SHTN1: variants seen among roughly 807,000 people sequenced by gnomAD.
SHTN1 encodes the protein shootin 1.
In SHTN1, 42 loss-of-function variants were observed where a neutral mutation model predicts 83.1. That is an observed-to-expected ratio of 0.51 (90% CI 0.39 to 0.65). The LOEUF (loss-of-function observed/expected upper bound fraction) is 0.65. SHTN1 is among the 30% of genes least tolerant of loss of function. The pLI, the probability that SHTN1 is intolerant of heterozygous loss-of-function variation, is 0.00. For missense variants in SHTN1, 622 were observed against 737.8 expected, an observed-to-expected ratio of 0.84 and a Z score of 1.82; for synonymous variants, 224 against 247.7, an observed-to-expected ratio of 0.90 and a Z score of 0.90.
upstream of SHTN1, among the ~76,000 whole-genome samples, chr10:117,008,975 C>T (rs1564929590): frequency 6.6e-6 from 1 of 152,008 alleles, no homozygotes; most frequent in Admixed American, 6.6e-5. Context: ...ATAAGCTGGG[C>T]GTGGTGGCAC....
Position 117,072,482 on chromosome 10 carries a change from C to T in SHTN1, c.-188-23972G>A, listed in dbSNP as rs1177070347. Among the ~76,000 whole-genome samples the T allele has an allele frequency of 5.9e-5, 9 of 152,264 alleles. No individual in the cohort carries two copies. In the East Asian group the frequency reaches 1.7e-3, roughly 29 times the overall value. On this transcript the variant is annotated intron_variant, in intron 1 of 17. Transcript: ENST00000392901. ...CTCCTGCAGGACCCAGGAGACATCC[C>T]AAATACTGTGCTGGTATCCACAGCC... is the stretch of plus-strand genomic sequence containing the variant.
chr10:116,944,900 A>G (rs751272291), intron 8 of SHTN1, 24 bp downstream of exon 8: 15 of 1,499,326 alleles, frequency 1.0e-5, no homozygotes, highest in East Asian at 2.3e-5. Flanking sequence ...AAGAAAAAAA[A>G]TAAGATTTTT....
intron 6 of SHTN1, among the ~76,000 whole-genome samples, chr10:116,950,198 T>C (rs1849726400): frequency 6.6e-6 from 1 of 152,186 alleles, no homozygotes; most frequent in Non-Finnish European, 1.5e-5. Flanking sequence ...AGGGTCTCAG[T>C]CTGTCACTCA....
chr10:116,965,549 A>T (rs1850358997), intron 3 of SHTN1, among the ~76,000 whole-genome samples: 1 of 152,234 alleles, frequency 6.6e-6, no homozygotes, highest in Non-Finnish European at 1.5e-5. Flanking sequence ...GGTTAACGTT[A>T]CAGGGATTTC....
Position 116,960,166 on chromosome 10 carries a change from A to G in SHTN1, c.237T>C (p.Cys79=), listed in dbSNP as rs1589844933. ...MQNHLEIEKT[C]RESAEALATK... ...TTGCCAAAGCTTCAGCACTTTCTCG[A>G]CAAGTCTTCTCTATTTCAAGATGGT... is the stretch of plus-strand genomic sequence containing the variant. Residue 79 remains cysteine (C), a synonymous_variant, in exon 4 of 17, where the codon TGT becomes TGC. Coordinates refer to ENST00000355371, the MANE Select transcript of SHTN1 (RefSeq NM_001127211.3). The G allele has an allele frequency of 8.7e-6, 14 of 1,610,916 alleles. No homozygotes were observed. In the East Asian group the frequency reaches 3.1e-4, roughly 36 times the overall value.
chr10:117,065,803 A>G (rs1216701943), intron 1 of SHTN1, among the ~76,000 whole-genome samples: 8 of 55,404 alleles, frequency 1.4e-4, no homozygotes, highest in Admixed American at 2.3e-4. Flanking sequence ...GAAGGAAGGA[A>G]GGAAGGAAGG....
intron 1 of SHTN1, among the ~76,000 whole-genome samples, chr10:116,994,969 TTAA>T (rs1425878992): frequency 1.3e-5 from 2 of 152,144 alleles, no homozygotes; most frequent in African/African-American, 4.8e-5. Flanking sequence ...ATGAATGTTA[TTAA>T]TGTGTTTCAA....
At chr10:117,037,549 G>A (rs1012207614) in intron 2 of SHTN1, among the ~76,000 whole-genome samples, 3 of 152,110 alleles carry the variant, frequency 2.0e-5, no homozygotes, top group African/African-American at 7.2e-5. Context: ...ACATTGACAA[G>A]CTGATCTAAA....
At chr10:117,058,004 C>T (rs1852849723) in intron 1 of SHTN1, among the ~76,000 whole-genome samples, 1 of 152,118 alleles carries the variant, frequency 6.6e-6, no homozygotes, top group Admixed American at 6.5e-5. Flanking sequence ...GAACCCTTAC[C>T]TAACACCATA....
At chr10:116,931,499 T>C (rs1294352586) in intron 9 of SHTN1, among the ~76,000 whole-genome samples, 1 of 152,176 alleles carries the variant, frequency 6.6e-6, no homozygotes, top group Non-Finnish European at 1.5e-5. Context: ...TCCACCTGCT[T>C]TGGCCTCCCA....
chr10:117,073,554 G>A (rs1407773418), intron 1 of SHTN1, among the ~76,000 whole-genome samples: 2 of 152,184 alleles, frequency 1.3e-5, no homozygotes, highest in Non-Finnish European at 2.9e-5. Flanking sequence ...ACGTTTGCAG[G>A]TGAGGAGGAT....
At chr10:116,896,871 AT>A (rs1348484497) in intron 16 of SHTN1, among the ~76,000 whole-genome samples, 2 of 151,110 alleles carry the variant, frequency 1.3e-5, no homozygotes, top group African/African-American at 4.9e-5. Context: ...CAGTGGCACA[AT>A]CTGGGCTCAC....
At chr10:116,971,161 T>C (rs1460943190) in intron 2 of SHTN1, among the ~76,000 whole-genome samples, 1 of 152,144 alleles carries the variant, frequency 6.6e-6, no homozygotes, top group Non-Finnish European at 1.5e-5. Context: ...CAAGAGAACA[T>C]GAAACAAGTA....
chr10:116,935,211 C>T (rs181629193), intron 9 of SHTN1, among the ~76,000 whole-genome samples: 14 of 152,242 alleles, frequency 9.2e-5, no homozygotes, highest in East Asian at 3.9e-4. Context: ...GTTGAATAGG[C>T]GTGGTGAGAG....
At chr10:116,935,767 A>G (rs7099910) in intron 9 of SHTN1, among the ~76,000 whole-genome samples, 2,015 of 152,286 alleles carry the variant, frequency 0.013, 52 homozygotes, top group African/African-American at 0.047. Context: ...TACCTCTGGT[A>G]GAAATCAGCT....
rs1443430816 is a variant in SHTN1, at chr10:116,886,124, T to G, written c.*220A>C. 2 of 603,238 alleles carry G rather than the reference T, an allele frequency of 3.3e-6. No homozygotes were observed. The highest frequency in any genetic ancestry group is 3.7e-5 in the African/African-American group (2 of 54,232). The allele number at this position is 603,238 out of a possible 1,614,324, so 37.4% of individuals were successfully genotyped here. ...AGTAACTAGGAAAAAAACCTCATCT[T>G]TATAAAGATCAAAAAACCAAAACCT... On this transcript the variant is annotated 3_prime_UTR_variant, in exon 17 of 17. Transcript: ENST00000355371.
At chr10:117,054,195 C>A (rs1418261798) in intron 1 of SHTN1, among the ~76,000 whole-genome samples, 1 of 152,202 alleles carries the variant, frequency 6.6e-6, no homozygotes, top group East Asian at 1.9e-4. Context: ...TCATTTACCC[C>A]TGACCTTTTG....
intron 8 of SHTN1, among the ~76,000 whole-genome samples, chr10:116,941,465 C>G (rs1849372074): frequency 6.6e-6 from 1 of 152,206 alleles, no homozygotes; most frequent in African/African-American, 2.4e-5. Context: ...CCTTAACACT[C>G]TACCCAATTT....
intron 1 of SHTN1, among the ~76,000 whole-genome samples, chr10:117,053,967 A>ATG (rs1346990752): frequency 1.1e-4 from 17 of 152,368 alleles, no homozygotes; most frequent in Admixed American, 5.9e-4. Flanking sequence ...TGAAAACATT[A>ATG]TGCCAAGTGA....
Sources: gnomAD v4.1 joint callset for allele counts (sites outside exome capture counted in the v4.1 genomes callset) on GRCh38, gnomAD v4.1.1 for gene constraint, MANE v1.5 for transcripts, NCBI Gene and HGNC (gene_info 2026-07-23, HGNC 2026-07-21) for gene names.